Variants in GPLD1 observed in about 807,000 individuals in gnomAD.
GPLD1 encodes the protein phosphatidylinositol-glycan-specific phospholipase D.
Under a neutral mutation model 112.6 loss-of-function variants are expected in GPLD1, and 84 were observed. The ratio of observed to expected loss-of-function variants is 0.75; its 90% confidence interval spans 0.63 to 0.89. The LOEUF is 0.89. GPLD1 is among the 40% of genes least tolerant of loss of function. GPLD1 has a pLI of 0.00. For synonymous variants in GPLD1, 386 were observed against 403.8 expected (o/e 0.96, Z 0.53); for missense variants, 1,044 against 1,051.5 (o/e 0.99, Z 0.10).
chr6:24,437,217 G>A lies in GPLD1; in HGVS notation c.2093C>T (p.Thr698Ile), dbSNP rs1772256. ...QGGATRMYAL[T>I]SDAQPLLLST... ...GAGCAGCAGAGGCTGCGCGTCAGATGTGAGTGCGTACATGCGAGTGGCTCC... is the reference window on the plus strand; with the variant it reads ...GAGCAGCAGAGGCTGCGCGTCAGATATGAGTGCGTACATGCGAGTGGCTCC... Residue 698 changes from threonine to isoleucine, a missense_variant, in exon 21 of 25, where the codon ACA becomes ATA. By Grantham distance (89) the Thr-to-Ile change is moderately conservative. Coordinates refer to ENST00000230036, the MANE Select transcript of GPLD1 (RefSeq NM_001503.4). 1,563,947 of 1,614,132 alleles carry A rather than the reference G, an allele frequency of 0.97. 759,272 individuals carry two copies. Among genetic ancestry groups the A allele is most frequent in the East Asian group, 1 (44,861 of 44,888 alleles).
chr6:24,493,376 T>C (rs757088792), upstream of GPLD1, among the ~76,000 whole-genome samples: 7 of 152,160 alleles, frequency 4.6e-5, no homozygotes, highest in African/African-American at 7.2e-5. Flanking sequence ...CTCGGGAGGC[T>C]GAGGCAGGAG....
chr6:24,476,219 G>C lies in GPLD1; in HGVS notation c.292C>G (p.His98Asp). Residue 98 changes from histidine (H) to aspartate (D), a missense_variant, in exon 4 of 25, where the codon CAT (histidine) becomes GAT (aspartate). By Grantham distance (81) the His-to-Asp change is moderately conservative. Coordinates refer to ENST00000230036, the MANE Select transcript of GPLD1 (RefSeq NM_001503.4). ...AGGGGATAGTTCTCTCGGATATAAT[G>C]AACGCTTGCATTAAGAAACGGAGTC... ...HWTPFLNASV[H>D]YIRENYPLPW... 6.3e-7 allele frequency: 1 copy of C among 1,574,814 alleles called. No individual in the cohort carries two copies. The highest frequency in any genetic ancestry group is 1.2e-5 in the South Asian group (1 of 86,366).
upstream of GPLD1, among the ~76,000 whole-genome samples, chr6:24,494,348 CTGTT>C (rs1275960663): frequency 9.2e-5 from 14 of 152,174 alleles, no homozygotes; most frequent in Non-Finnish European, 4.4e-5. Flanking sequence ...GGATCCTAGT[CTGTT>C]TATTTCCAAA....
At chr6:24,468,151 C>A (rs925341184) in intron 7 of GPLD1, among the ~76,000 whole-genome samples, 1 of 152,212 alleles carries the variant, frequency 6.6e-6, no homozygotes, top group Non-Finnish European at 1.5e-5. Context: ...GGTGATCCAC[C>A]TGCCTCGGCC....
At chr6:24,446,497 CA>C (rs1162596419) in intron 18 of GPLD1, among the ~76,000 whole-genome samples, 3 of 151,966 alleles carry the variant, frequency 2.0e-5, no homozygotes, top group Non-Finnish European at 4.4e-5. Context: ...CCCCTCCTCC[CA>C]AAAGAAAAAA....
chr6:24,494,531 G>A (rs528281872), upstream of GPLD1, among the ~76,000 whole-genome samples: 44 of 152,252 alleles, frequency 2.9e-4, no homozygotes, highest in Admixed American at 1.4e-3. Context: ...TCACGGCCTT[G>A]GCATTTAGGG....
chr6:24,469,130 AG>A (rs1301218863), intron 7 of GPLD1, among the ~76,000 whole-genome samples: 17 of 152,162 alleles, frequency 1.1e-4, no homozygotes, highest in Non-Finnish European at 2.1e-4. Flanking sequence ...AGGAAACAAC[AG>A]GTGCTGGAGA....
In GPLD1 at chr6:24,472,637, CTAGGG is replaced by C. The variant is rs1763861909; in HGVS notation, c.491-6_491-2del. 1 of 1,570,642 alleles carries C rather than the reference CTAGGG, an allele frequency of 6.4e-7. No individual in the cohort carries two copies. The highest frequency in any genetic ancestry group is 8.8e-7 in the Non-Finnish European group (1 of 1,140,730). ...TCAAACTGGCTCAACACATCTCCTC[CTAGGG>C]TATGAGAAAAATATTGACATTTGGT... On this transcript the variant is annotated splice_acceptor_variant and splice_polypyrimidine_tract_variant and intron_variant, in intron 6 of 24. Coordinates refer to ENST00000230036, the MANE Select transcript of GPLD1 (RefSeq NM_001503.4). LOFTEE classifies it high-confidence loss of function.
chr6:24,453,613 G>A (rs1667070665), intron 14 of GPLD1, among the ~76,000 whole-genome samples: 1 of 152,132 alleles, frequency 6.6e-6, no homozygotes, highest in Non-Finnish European at 1.5e-5. Context: ...TCCAGCCTGG[G>A]TGACAGAGCA....
rs1267946865 is a variant in GPLD1 at position 24,460,286 on chromosome 6, C to T, written c.1001G>A (p.Trp334Ter). The T allele has an allele frequency of 6.2e-7, 1 of 1,613,846 alleles. No individual in the cohort carries two copies. The highest frequency in any genetic ancestry group is 2.2e-5 in the East Asian group (1 of 44,872). ...AGAGCAGAAAATTCTTACCGGGGTC[C>T]AGGAATTTACACTAAAGAACACTCC... ...ERGVFFSVNS[W>*]TPDSMSFIYK... Residue 334 changes from tryptophan to a stop codon, truncating the protein, a stop_gained, in exon 12 of 25, where the codon TGG becomes TAG. Coordinates refer to ENST00000230036, the MANE Select transcript of GPLD1 (RefSeq NM_001503.4). LOFTEE classifies it high-confidence loss of function.
chr6:24,472,690 G>C, intron 6 of GPLD1, 54 bp from the exon 7 acceptor site: 1 of 927,370 alleles, frequency 1.1e-6, no homozygotes, highest in Non-Finnish European at 1.8e-6. Flanking sequence ...AACATAGCAT[G>C]CATCTATTCA....
chr6:24,445,995 C>G (rs116372098), intron 18 of GPLD1, among the ~76,000 whole-genome samples, 164 bp from the exon 19 acceptor site: 2 of 151,822 alleles, frequency 1.3e-5, no homozygotes, highest in South Asian at 2.1e-4. Flanking sequence ...TGGAGTTAAT[C>G]GCAACATCCA....
chr6:24,494,413 C>CA (rs35809962), upstream of GPLD1, among the ~76,000 whole-genome samples: 1 of 152,060 alleles, frequency 6.6e-6, no homozygotes, highest in Admixed American at 6.6e-5. Context: ...GACACACACC[C>CA]AAAAAAGCAG....
chr6:24,494,846 C>T lies in GPLD1; in HGVS notation n.239+121G>A, dbSNP rs996096156. On this transcript the variant is annotated intron_variant and non_coding_transcript_variant, in intron 1 of 10. Coordinates refer to the GPLD1 transcript ENST00000474784. ...GCGAGAAAGACGCGGAGAGAGGGCG[C>T]TGCTCTGTGGCTCTGCAACCTTCCG... is the stretch of plus-strand genomic sequence containing the variant. The T allele has an allele frequency of 3.4e-6, 3 of 888,024 alleles. No individual in the cohort carries two copies. The African/African-American group carries it at 5.2e-5, about 16-fold the overall frequency. 55.0% of individuals were successfully genotyped at this position (888,024 alleles called of 1,614,324 possible).
chr6:24,493,875 G>A (rs1237659979), upstream of GPLD1, among the ~76,000 whole-genome samples: 1 of 152,234 alleles, frequency 6.6e-6, no homozygotes, highest in East Asian at 1.9e-4. Flanking sequence ...TTGAGAAAGG[G>A]AGATATGTAA....
chr6:24,475,669 C>T lies in GPLD1; in HGVS notation c.331-438G>A, dbSNP rs576343696. On this transcript the variant is annotated intron_variant, in intron 4 of 24. Coordinates refer to ENST00000230036, the MANE Select transcript of GPLD1 (RefSeq NM_001503.4). The stretch of plus-strand genomic sequence containing the variant: ...ACCATCCTGGCTAACATGGTGAAAC[C>T]CCGTCTCTACTAAAAATACAAAAAA... 8.9e-5 allele frequency among the ~76,000 whole-genome samples: 13 copies of T among 146,408 alleles called. No homozygotes were observed. In the South Asian group the frequency reaches 2.9e-3, roughly 33 times the overall value.
Position 24,460,317 on chromosome 6 carries a change from C to G in GPLD1, c.970G>C (p.Glu324Gln), listed in dbSNP as rs1243870223. 3.7e-6 allele frequency: 6 copies of G among 1,613,280 alleles called. No homozygotes were observed. In the African/African-American group the frequency reaches 6.7e-5, roughly 18 times the overall value. ...ESVDRNINYT[E>Q]RGVFFSVNSW... The stretch of plus-strand genomic sequence containing the variant: ...TTTACACTAAAGAACACTCCTCTTT[C>G]AGTATAGTTTATATTCCTGTCAACA... The change falls in exon 12 of 25, where the codon GAA (glutamate) becomes CAA (glutamine). Residue 324 changes from glutamate (E) to glutamine (Q), a missense_variant. Transcript: ENST00000230036.
Position 24,449,879 on chromosome 6 carries a change from C to T in GPLD1, c.1356G>A (p.Ser452=), listed in dbSNP as rs757207433. 40 of 1,613,654 alleles carry T rather than the reference C, an allele frequency of 2.5e-5. No homozygotes were observed. Among genetic ancestry groups the T allele is most frequent in the South Asian group, 1.1e-4 (10 of 91,074 alleles). The change falls in exon 15 of 25, where the codon TCG becomes TCA. Residue 452 remains serine (S), a synonymous_variant. Transcript: ENST00000230036. ...CGTTAAAGTCCAACACAGCCAAGGCCGAGCCAAACCGACCTGAGGGCTGAA... is the reference window on the plus strand; with the variant it reads ...CGTTAAAGTCCAACACAGCCAAGGCTGAGCCAAACCGACCTGAGGGCTGAA... The part of the protein sequence containing the change: ...EGFQPSGRFG[S]ALAVLDFNVD...
upstream of GPLD1, among the ~76,000 whole-genome samples, chr6:24,490,655 G>A (rs1003558984): frequency 6.6e-6 from 1 of 152,068 alleles, no homozygotes; most frequent in African/African-American, 2.4e-5. Context: ...GGGAGGCTGA[G>A]GTGGGAGGAT....
Sources: allele counts gnomAD v4.1 joint callset (sites outside exome capture counted in the v4.1 genomes callset), GRCh38; gene constraint gnomAD v4.1.1; transcripts MANE v1.5; gene names NCBI Gene and HGNC (gene_info 2026-07-23, HGNC 2026-07-21).